The following SNX29 variants were observed in gnomAD, a reference collection of about 807,000 sequenced individuals.
The protein encoded by SNX29 is sorting nexin-29.
A neutral mutation model predicts 102.1 loss-of-function variants in SNX29; 78 were observed. The observed-to-expected ratio is 0.76, with a 90% CI of 0.64 to 0.92. The LOEUF (loss-of-function observed/expected upper bound fraction) is 0.92. Ranked by LOEUF, SNX29 falls within the 40% of genes least tolerant of loss-of-function variation. The pLI is 0.00. For missense variants in SNX29, 1,280 were observed against 1,061.7 expected, an observed-to-expected ratio of 1.21 and a Z score of -2.86; for synonymous variants, 580 against 414.5, an observed-to-expected ratio of 1.40 and a Z score of -4.85.
rs190955885 is a variant in SNX29, at chr16:11,997,965, T to C, written c.8-1332T>C. Reference sequence around the variant, plus strand: ...CATCTGTGTTTGGGAACCTGGCTTATAGGGTGAATGTGAAGATGAAGGGAG... The same window carrying C: ...CATCTGTGTTTGGGAACCTGGCTTACAGGGTGAATGTGAAGATGAAGGGAG... On this transcript the variant is annotated intron_variant, in intron 1 of 20. Coordinates refer to ENST00000566228, the MANE Select transcript of SNX29 (RefSeq NM_032167.5). Among the ~76,000 whole-genome samples, 18 of 152,290 alleles carry C rather than the reference T, an allele frequency of 1.2e-4. No individual in the cohort carries two copies. The East Asian group carries it at 2.3e-3, about 20-fold the overall frequency.
At chr16:12,515,820 T>A in intron 19 of SNX29, among the ~76,000 whole-genome samples, 1 of 152,118 alleles carries the variant, frequency 6.6e-6, no homozygotes, top group East Asian at 1.9e-4. Context: ...GAGTGAACCA[T>A]GCAGGAGCCA....
At chr16:12,293,451 G>A (rs1245183153) in intron 15 of SNX29, among the ~76,000 whole-genome samples, 5 of 152,188 alleles carry the variant, frequency 3.3e-5, no homozygotes, top group Non-Finnish European at 7.4e-5. Flanking sequence ...CCGAAGATTA[G>A]CCAGCCTGCG....
chr16:12,480,672 C>T (rs1321678362), intron 19 of SNX29, among the ~76,000 whole-genome samples: 1 of 152,198 alleles, frequency 6.6e-6, no homozygotes, highest in East Asian at 1.9e-4. Flanking sequence ...CTTCCCACCT[C>T]CTGCCTCCTC....
At chr16:12,092,567 T>C (rs1184525095) in intron 11 of SNX29, among the ~76,000 whole-genome samples, 1 of 152,178 alleles carries the variant, frequency 6.6e-6, no homozygotes. Context: ...TTGCTCTCAG[T>C]GAATGGGAAC....
chr16:12,446,114 G>A (rs1033686341), intron 18 of SNX29, among the ~76,000 whole-genome samples: 2 of 142,264 alleles, frequency 1.4e-5, no homozygotes, highest in African/African-American at 2.7e-5. Flanking sequence ...GGAGTGCAGC[G>A]GTGCAATCTC....
rs73508581 is a variant in SNX29, at chr16:12,547,848, G to A, written c.2319-20658G>A. Among the ~76,000 whole-genome samples, 870 of 152,252 alleles carry A rather than the reference G, an allele frequency of 5.7e-3. 15 individuals carry two copies. The highest frequency in any genetic ancestry group is 0.02 in the African/African-American group (820 of 41,548). ...CTTACTGAGCCCCAGATTCCAAACT[G>A]GAGTTTAGCAAAATGAGCCACTTCC... On this transcript the variant is annotated intron_variant, in intron 20 of 20. Transcript: ENST00000566228.
chr16:12,566,059 C>T (rs984165504), intron 20 of SNX29, among the ~76,000 whole-genome samples: 2 of 152,228 alleles, frequency 1.3e-5, no homozygotes, highest in African/African-American at 2.4e-5. Context: ...CACTGTTGCC[C>T]ATTGTCTCTC....
chr16:11,979,275 C>CAAAAAAAAAAAAAAAAAAA (rs71139569), intron 1 of SNX29, among the ~76,000 whole-genome samples: 10 of 61,996 alleles, frequency 1.6e-4, no homozygotes, highest in African/African-American at 7.5e-4. Context: ...ACTCAGTCTC[C>CAAAAAAAAAAAAAAAAAAA]AAAAAAAAAA....
intron 15 of SNX29, among the ~76,000 whole-genome samples, chr16:12,297,810 A>G (rs1380952846): frequency 6.6e-6 from 1 of 152,170 alleles, no homozygotes; most frequent in Non-Finnish European, 1.5e-5. Flanking sequence ...TGTCTCACTG[A>G]ACAACTGTCG....
intron 3 of SNX29, among the ~76,000 whole-genome samples, chr16:12,010,446 A>T (rs2056608595): frequency 6.6e-6 from 1 of 151,850 alleles, no homozygotes; most frequent in Admixed American, 6.6e-5. Flanking sequence ...ACATGGCGAA[A>T]CCCCATGTCT....
At chr16:12,413,591 A>T (rs905631576) in intron 18 of SNX29, among the ~76,000 whole-genome samples, 1 of 144,514 alleles carries the variant, frequency 6.9e-6, no homozygotes, top group South Asian at 2.2e-4. Flanking sequence ...CCTCGAGACA[A>T]TGGCACCTCG....
At chr16:12,516,570 A>G (rs74504456) in intron 19 of SNX29, among the ~76,000 whole-genome samples, 1,866 of 151,842 alleles carry the variant, frequency 0.012, 29 homozygotes, top group East Asian at 0.049. Context: ...TCAACATTCT[A>G]GAATTCTCTA....
chr16:11,999,499 C>CA, intron 2 of SNX29, 141 bp downstream of exon 2: 1 of 857,198 alleles, frequency 1.2e-6, no homozygotes, highest in Non-Finnish European at 1.8e-6. Context: ...TCATTTTTCC[C>CA]AGGAAATGAT....
chr16:12,296,223 G>A (rs971100988), intron 15 of SNX29, among the ~76,000 whole-genome samples: 1 of 152,214 alleles, frequency 6.6e-6, no homozygotes, highest in Non-Finnish European at 1.5e-5. Context: ...CCTTCCTGGT[G>A]TTAGAGGTTT....
Position 12,571,748 on chromosome 16 carries a change from C to T in SNX29, c.*3119C>T, listed in dbSNP as rs1323242411. The stretch of plus-strand genomic sequence containing the variant: ...AAGGCTGCTAGAAACCTAGCCCAAC[C>T]ATCCACTCCTGATCTGAGACAGAAC... On this transcript the variant is annotated 3_prime_UTR_variant, in exon 21 of 21. Transcript: ENST00000566228. The T allele has an allele frequency of 6.9e-6, 7 of 1,018,294 alleles. No individual in the cohort carries two copies. Among genetic ancestry groups the T allele is most frequent in the South Asian group, 4.7e-5 (1 of 21,088 alleles). The allele number at this position is 1,018,294 out of a possible 1,614,324, so 63.1% of individuals were successfully genotyped here.
intron 20 of SNX29, among the ~76,000 whole-genome samples, chr16:12,525,870 C>G (rs2076769621): frequency 1.3e-5 from 2 of 152,242 alleles, no homozygotes; most frequent in Admixed American, 1.3e-4. Context: ...TGCTCTGGTC[C>G]CATTGCTGGG....
intron 18 of SNX29, among the ~76,000 whole-genome samples, chr16:12,429,596 G>C (rs1224494904): frequency 1.3e-5 from 2 of 152,152 alleles, no homozygotes; most frequent in Non-Finnish European, 2.9e-5. Context: ...TTTAACGTGA[G>C]ATTTTTCTCA....
At chr16:12,207,117 C>T (rs897937417) in intron 14 of SNX29, among the ~76,000 whole-genome samples, 13 of 152,050 alleles carry the variant, frequency 8.5e-5, no homozygotes, top group Non-Finnish European at 1.8e-4. Flanking sequence ...GCCTGTAATC[C>T]CAGCATTTCG....
At position 12,569,782 on chromosome 16, in the gene SNX29, T is replaced by C; in HGVS notation, c.*1153T>C. On this transcript the variant is annotated 3_prime_UTR_variant, in exon 21 of 21. Coordinates refer to ENST00000566228, the MANE Select transcript of SNX29 (RefSeq NM_032167.5). ...CACATCAGAGCACCTCACAGAGCAA[T>C]AGCCGTCCTCAGATGCTCAGCAAAG... 8.7e-6 allele frequency: 2 copies of C among 229,842 alleles called. No individual in the cohort carries two copies. Among genetic ancestry groups the C allele is most frequent in the Non-Finnish European group, 1.7e-5 (2 of 115,884 alleles). 14.2% of individuals were successfully genotyped at this position (229,842 alleles called of 1,614,324 possible).
Sources: allele counts gnomAD v4.1 joint callset (sites outside exome capture counted in the v4.1 genomes callset), GRCh38; gene constraint gnomAD v4.1.1; transcripts MANE v1.5; gene names NCBI Gene and HGNC (gene_info 2026-07-23, HGNC 2026-07-21).